MYOM3: variants seen among roughly 807,000 people sequenced by gnomAD.
MYOM3 encodes the protein myomesin-3.
A neutral mutation model predicts 191.7 loss-of-function variants in MYOM3; 155 were observed. The ratio of observed to expected loss-of-function variants is 0.81; its 90% CI spans 0.71 to 0.92. MYOM3 has a LOEUF of 0.92. Ranked by LOEUF, MYOM3 falls within the 40% of genes least tolerant of loss-of-function variation. The pLI, the probability that MYOM3 is intolerant of heterozygous loss-of-function variation, is 0.00. For synonymous variants in MYOM3, 757 were observed against 762.9 expected, an observed-to-expected ratio of 0.99 and a Z score of 0.13; for missense variants, 1,889 against 1,890.6, an observed-to-expected ratio of 1.00 and a Z score of 0.02.
intron 23 of MYOM3, among the ~76,000 whole-genome samples, chr1:24,072,551 T>G (rs1349603541): frequency 1.3e-5 from 2 of 152,132 alleles, no homozygotes; most frequent in African/African-American, 4.8e-5. Context: ...TTCTTTTTTT[T>G]GAGACAGAGT....
chr1:24,093,210 G>T (rs901590672), intron 9 of MYOM3, 102 bp from the exon 10 acceptor site: 5 of 758,274 alleles, frequency 6.6e-6, no homozygotes, highest in Non-Finnish European at 8.9e-6. Flanking sequence ...TGGGCAGAGA[G>T]AGAGGCTGGT....
rs980040877 is a variant in MYOM3, at chr1:24,076,366, A to G, written c.2587-93T>C. 27 of 847,270 alleles carry G rather than the reference A, an allele frequency of 3.2e-5. No individual in the cohort carries two copies. In the African/African-American group the frequency reaches 3.8e-4, roughly 12 times the overall value. 52.5% of individuals were successfully genotyped at this position (847,270 alleles called of 1,614,324 possible). A position where few individuals can be genotyped will look rare whatever the true frequency, so the allele number is the denominator to read the frequency against. ...GAGCAGGGAGCCACTCTCAATAAGA[A>G]AACCCTCTCCCTTCTTGTGTCCCTC... On this transcript the variant is annotated intron_variant, in intron 20 of 36. Coordinates refer to ENST00000374434, the MANE Select transcript of MYOM3 (RefSeq NM_152372.4).
At chr1:24,066,436 A>G in intron 28 of MYOM3, 1 of 582,192 alleles carries the variant, frequency 1.7e-6, no homozygotes, top group South Asian at 2.1e-5. Flanking sequence ...AGATGCTCTG[A>G]GTTTACTGAA....
Position 24,080,073 on chromosome 1 carries a change from TTCC to T in MYOM3, c.2526_2528del (p.Glu843del). ...TGACCGGCTTCCACTGCTCAGAGCCTTCCTCCTGGAAACTGACGTGATAGCCTG... is the reference window on the plus strand; with the variant it reads ...TGACCGGCTTCCACTGCTCAGAGCCTTCCTGGAAACTGACGTGATAGCCTG... On this transcript the variant is annotated inframe_deletion, in exon 20 of 37. Transcript: ENST00000374434. 6.2e-7 allele frequency: 1 copy of T among 1,614,118 alleles called. No individual in the cohort carries two copies. The highest frequency in any genetic ancestry group is 8.5e-7 in the Non-Finnish European group (1 of 1,180,006).
intron 8 of MYOM3, among the ~76,000 whole-genome samples, chr1:24,095,194 C>T (rs878895157): frequency 1.3e-5 from 2 of 152,094 alleles, no homozygotes; most frequent in Non-Finnish European, 2.9e-5. Flanking sequence ...AGGCCAAGTC[C>T]GTTGGTTTTT....
chr1:24,096,182 C>A (rs1643877597), intron 7 of MYOM3, among the ~76,000 whole-genome samples: 1 of 150,002 alleles, frequency 6.7e-6, no homozygotes, highest in South Asian at 2.1e-4. Flanking sequence ...TGAGCAAGGT[C>A]CAGAGAAGGG....
At chr1:24,089,499 C>T (rs1315675001) in intron 14 of MYOM3, 39 bp downstream of exon 14, 8 of 1,563,946 alleles carry the variant, frequency 5.1e-6, no homozygotes. Flanking sequence ...ACATCTGTTT[C>T]TCAGGCTGGC....
In MYOM3 at chr1:24,107,162, C is replaced by G; in HGVS notation, c.313G>C (p.Gly105Arg). 1 of 1,611,918 alleles carries G rather than the reference C, an allele frequency of 6.2e-7. No individual in the cohort carries two copies. The highest frequency in any genetic ancestry group is 8.5e-7 in the Non-Finnish European group (1 of 1,179,176). The change falls in exon 4 of 37, where the codon GGC becomes CGC. Residue 105 changes from glycine (G) to arginine (R), a missense_variant. Transcript: ENST00000374434. ...ATCTCAGTCCTCTCCCAGTCATTGCCGAAGCCCACCCGCTTCTGCCCTCGC... is the reference window on the plus strand; with the variant it reads ...ATCTCAGTCCTCTCCCAGTCATTGCGGAAGCCCACCCGCTTCTGCCCTCGC... ...EERGQKRVGF[G>R]NDWERTEIAF...
Position 24,082,617 on chromosome 1 carries a change from G to T in MYOM3, c.2068C>A (p.Pro690Thr). 3 of 1,610,066 alleles carry T rather than the reference G, an allele frequency of 1.9e-6. No homozygotes were observed. Among genetic ancestry groups the T allele is most frequent in the South Asian group, 2.2e-5 (2 of 90,398 alleles). Residue 690 changes from proline to threonine, a missense_variant, in exon 17 of 37, where the codon CCC becomes ACC. Pro to Thr is a conservative substitution (Grantham distance 38, BLOSUM62 -1). Transcript: ENST00000374434. ...GVGESSAATE[P>T]IRVKQALATP... Reference sequence around the variant, plus strand: ...CCCAGAGCCTGCTTGACCCTGATGGGCTCGGTGGCGGCTGAGCTCTCGCCT... The same window carrying T: ...CCCAGAGCCTGCTTGACCCTGATGGTCTCGGTGGCGGCTGAGCTCTCGCCT...
chr1:24,099,303 C>T (rs187314257), intron 6 of MYOM3, among the ~76,000 whole-genome samples: 1 of 152,280 alleles, frequency 6.6e-6, no homozygotes, highest in East Asian at 1.9e-4. Flanking sequence ...TGCACAGGTG[C>T]ATATGTGTGC....
At position 24,108,020 on chromosome 1, in the gene MYOM3, G is replaced by A. The variant is rs375590713; in HGVS notation, c.215C>T (p.Ala72Val). 1.6e-4 allele frequency: 264 copies of A among 1,613,758 alleles called. 1 individual carries two copies. The African/African-American group carries it at 3.2e-3, about 19-fold the overall frequency. ...AGACAGCTCGGAGGAGGCCGTCAGAGCCAGGGCTGCTGCCAGGGCGTAGTC... is the reference window on the plus strand; with the variant it reads ...AGACAGCTCGGAGGAGGCCGTCAGAACCAGGGCTGCTGCCAGGGCGTAGTC... ...AADYALAAALALTASSELSWE... is the reference protein window; with the variant it reads ...AADYALAAALVLTASSELSWE... The change falls in exon 3 of 37, where the codon GCT (alanine) becomes GTT (valine). Residue 72 changes from alanine to valine, a missense_variant. By Grantham distance (64) the Ala-to-Val change is moderately conservative (BLOSUM62 0). Transcript: ENST00000374434.
intron 23 of MYOM3, among the ~76,000 whole-genome samples, chr1:24,073,166 T>C (rs1013415557): frequency 6.6e-6 from 1 of 152,150 alleles, no homozygotes; most frequent in African/African-American, 2.4e-5. Flanking sequence ...GTGAGGAAAC[T>C]GAGGCCCAGG....
chr1:24,071,496 G>C (rs1643531735), intron 24 of MYOM3, among the ~76,000 whole-genome samples: 1 of 152,140 alleles, frequency 6.6e-6, no homozygotes, highest in Non-Finnish European at 1.5e-5. Context: ...ACCTGGCAGG[G>C]CATTGGATCC....
Position 24,057,714 on chromosome 1 carries a change from C to T in MYOM3, c.4051-87G>A, listed in dbSNP as rs12025324. 1,067 of 1,166,234 alleles carry T rather than the reference C, an allele frequency of 9.1e-4. 13 individuals are homozygous for T. In the East Asian group the frequency reaches 0.024, roughly 27 times the overall value. The allele number at this position is 1,166,234 out of a possible 1,614,324, so 72.2% of individuals were successfully genotyped here. ...TTTCATGCCCCCAGAGAGCTCCCAG[C>T]TCAGGTTGCTCCCTGTGATAATTTA... On this transcript the variant is annotated intron_variant, in intron 36 of 36. Transcript: ENST00000374434.
Position 24,061,968 on chromosome 1 carries a change from G to T in MYOM3, c.3912C>A (p.Leu1304=). Residue 1304 remains leucine (L), a synonymous_variant, in exon 33 of 37, where the codon CTC becomes CTA. Transcript: ENST00000374434. ...EIAAGKEVRQ[L]STDLSGQAFE... is the part of the protein sequence containing the mutation. ...CACCTTGCCCTGAGAGATCTGTTGAGAGCTGCCGGACTTCCTTCCCTGCAG... is the reference window on the plus strand; with the variant it reads ...CACCTTGCCCTGAGAGATCTGTTGATAGCTGCCGGACTTCCTTCCCTGCAG... 6.2e-7 allele frequency: 1 copy of T among 1,614,226 alleles called. No individual in the cohort carries two copies. Among genetic ancestry groups the T allele is most frequent in the Non-Finnish European group, 8.5e-7 (1 of 1,180,048 alleles).
At chr1:24,086,607 C>A in intron 15 of MYOM3, 37 bp downstream of exon 15, 1 of 1,598,768 alleles carries the variant, frequency 6.3e-7, no homozygotes, top group Non-Finnish European at 8.5e-7. Context: ...CCTGGCCTGG[C>A]CTGCCTCCTC....
chr1:24,087,701 C>T lies in MYOM3; in HGVS notation c.1615-874G>A, dbSNP rs1468485311. 6.6e-6 allele frequency among the ~76,000 whole-genome samples: 1 copy of T among 152,210 alleles called. No homozygotes were observed. Among genetic ancestry groups the T allele is most frequent in the Non-Finnish European group, 1.5e-5 (1 of 68,038 alleles). ...AATGTCAGCAGCTCCTCTCCCCACA[C>T]TTCAAGTTCCCCTCCCTGCTCAATG... On this transcript the variant is annotated intron_variant, in intron 14 of 36. Coordinates refer to ENST00000374434, the MANE Select transcript of MYOM3 (RefSeq NM_152372.4). The surrounding 1 kb of genome is among the most constrained non-coding windows in gnomAD (Gnocchi z 4.5).
At position 24,111,299 on chromosome 1, in the gene MYOM3, C is replaced by T. The variant is rs899107152; in HGVS notation, c.-19+732G>A. 2.0e-5 allele frequency among the ~76,000 whole-genome samples: 3 copies of T among 152,178 alleles called. No homozygotes were observed. The highest frequency in any genetic ancestry group is 2.9e-5 in the Non-Finnish European group (2 of 68,040). On this transcript the variant is annotated intron_variant, in intron 1 of 36. Transcript: ENST00000374434. The surrounding 1 kb of genome is among the most constrained non-coding windows in gnomAD (Gnocchi z 4.7). Reference sequence around the variant, plus strand: ...GCTTTCCTCCCAAGCCTCCATCTGCCGAGGAGGCCTCTCCCCTTCTTCAGG... The same window carrying T: ...GCTTTCCTCCCAAGCCTCCATCTGCTGAGGAGGCCTCTCCCCTTCTTCAGG...
At chr1:24,110,821 A>G (rs1382261592) in intron 1 of MYOM3, among the ~76,000 whole-genome samples, 2 of 152,114 alleles carry the variant, frequency 1.3e-5, no homozygotes, top group African/African-American at 4.8e-5. Context: ...TTTCTTCCTC[A>G]TGGCCCAGGA....
Sources: allele counts gnomAD v4.1 joint callset (sites outside exome capture counted in the v4.1 genomes callset), GRCh38; gene constraint gnomAD v4.1.1; non-coding constraint Gnocchi (gnomAD v3.1); transcripts MANE v1.5; gene names NCBI Gene and HGNC (gene_info 2026-07-23, HGNC 2026-07-21).